Variants in GALNT13 observed in about 807,000 individuals in gnomAD.
The protein encoded by GALNT13 is UDP-GalNAc:polypeptide N-acetylgalactosaminyltransferase 13.
Under a neutral mutation model 64.2 loss-of-function variants are expected in GALNT13, and 28 were observed. The ratio of observed to expected loss-of-function variants is 0.44; its 90% confidence interval spans 0.32 to 0.60. The LOEUF is 0.60. GALNT13 is among the 20% of genes least tolerant of loss of function. The probability of loss-of-function intolerance (pLI) is 0.05; values close to 1 mark genes in which losing one functional copy is unlikely to be tolerated. For synonymous variants in GALNT13, 214 were observed against 224.6 expected (o/e 0.95, Z 0.42); for missense variants, 577 against 669.8 (o/e 0.86, Z 1.53).
At chr2:153,539,667 T>G in the GALNT13 span, among the ~76,000 whole-genome samples, 1 of 151,536 alleles carries the variant, frequency 6.6e-6, no homozygotes, top group South Asian at 2.1e-4. Flanking sequence ...CCCCATTGCT[T>G]GTTTTTCTCA....
chr2:153,635,507 A>G, the GALNT13 span, among the ~76,000 whole-genome samples: 1 of 148,720 alleles, frequency 6.7e-6, no homozygotes, highest in Admixed American at 6.7e-5. Flanking sequence ...AAGATTTAAG[A>G]AAACAATTAT....
intron 9 of GALNT13, among the ~76,000 whole-genome samples, chr2:154,364,222 T>G (rs551667175): frequency 2.6e-5 from 4 of 152,318 alleles, no homozygotes; most frequent in African/African-American, 9.6e-5. Flanking sequence ...ATTTCTAATT[T>G]TATCTCATGG....
At chr2:153,908,345 G>A (rs1688718337) in intron 2 of GALNT13, among the ~76,000 whole-genome samples, 1 of 152,028 alleles carries the variant, frequency 6.6e-6, no homozygotes, top group Admixed American at 6.6e-5. Context: ...TAGGTTGTCT[G>A]CTTACTCTGT....
At chr2:154,010,590 T>C (rs1696566028) in intron 3 of GALNT13, among the ~76,000 whole-genome samples, 1 of 152,184 alleles carries the variant, frequency 6.6e-6, no homozygotes, top group African/African-American at 2.4e-5. Context: ...GTTAAGATGA[T>C]GCTAGCCTCT....
At chr2:153,714,287 A>G in the GALNT13 span, among the ~76,000 whole-genome samples, 1 of 152,252 alleles carries the variant, frequency 6.6e-6, no homozygotes, top group African/African-American at 2.4e-5. Flanking sequence ...CATGTAAGAA[A>G]AAAAGCTAGA....
At chr2:153,472,386 C>A in the GALNT13 span, among the ~76,000 whole-genome samples, 1 of 152,272 alleles carries the variant, frequency 6.6e-6, no homozygotes. Flanking sequence ...GGAACAATTT[C>A]TTATCTTACT....
chr2:154,018,540 G>A (rs566008924), intron 3 of GALNT13, among the ~76,000 whole-genome samples: 89 of 152,176 alleles, frequency 5.8e-4, no homozygotes, highest in African/African-American at 2.0e-3. Flanking sequence ...TGCCAAACCA[G>A]CGAGAAGATA....
intron 3 of GALNT13, among the ~76,000 whole-genome samples, chr2:154,024,232 A>T (rs898199774): frequency 2.0e-5 from 3 of 152,062 alleles, no homozygotes; most frequent in Non-Finnish European, 2.9e-5. Flanking sequence ...CTGAATCTGA[A>T]TGTTGGCCTG....
intron 3 of GALNT13, among the ~76,000 whole-genome samples, chr2:154,044,400 T>G (rs1033996003): frequency 2.0e-5 from 3 of 152,236 alleles, no homozygotes; most frequent in African/African-American, 7.2e-5. Flanking sequence ...GCACTCCCTG[T>G]GTGAAAGCTT....
the GALNT13 span, among the ~76,000 whole-genome samples, chr2:153,448,849 C>A: frequency 2.0e-5 from 3 of 152,082 alleles, no homozygotes; most frequent in African/African-American, 4.8e-5. Context: ...AAGCCCTAAC[C>A]CTAAATATAA....
At chr2:153,449,160 A>G in the GALNT13 span, among the ~76,000 whole-genome samples, 1 of 152,154 alleles carries the variant, frequency 6.6e-6, no homozygotes, top group Non-Finnish European at 1.5e-5. Context: ...CAAAAACTGA[A>G]TTGGCCAGAA....
intron 3 of GALNT13, among the ~76,000 whole-genome samples, chr2:154,007,287 A>G (rs987502166): frequency 6.7e-6 from 1 of 149,080 alleles, no homozygotes; most frequent in Non-Finnish European, 1.5e-5. Context: ...TTTGTCACCA[A>G]TCGTGTGAGC....
At chr2:153,929,227 C>G (rs181435607) in intron 2 of GALNT13, among the ~76,000 whole-genome samples, 2 of 152,128 alleles carry the variant, frequency 1.3e-5, no homozygotes, top group Non-Finnish European at 2.9e-5. Flanking sequence ...ACCTGCCTAT[C>G]AGACAATGTG....
chr2:153,533,992 G>A, the GALNT13 span, among the ~76,000 whole-genome samples: 1 of 150,838 alleles, frequency 6.6e-6, no homozygotes, highest in African/African-American at 2.4e-5. Context: ...CCCACCTCTT[G>A]CCTCCCTGAG....
the GALNT13 span, among the ~76,000 whole-genome samples, chr2:153,757,554 C>G: frequency 6.6e-6 from 1 of 152,024 alleles, no homozygotes; most frequent in African/African-American, 2.4e-5. Flanking sequence ...TTTTCAGGAG[C>G]CTCCATACAG....
At chr2:154,037,071 A>C (rs1160953737) in intron 3 of GALNT13, among the ~76,000 whole-genome samples, 1 of 152,152 alleles carries the variant, frequency 6.6e-6, no homozygotes, top group Non-Finnish European at 1.5e-5. Context: ...ATGGTAGGAA[A>C]GTTATTTTAA....
At chr2:154,043,449 T>TAC (rs1456595735) in intron 3 of GALNT13, among the ~76,000 whole-genome samples, 23 of 109,694 alleles carry the variant, frequency 2.1e-4, no homozygotes, top group South Asian at 3.4e-4. Flanking sequence ...TATATATATA[T>TAC]ATATATACAC....
At chr2:153,463,413 C>A in the GALNT13 span, among the ~76,000 whole-genome samples, 3 of 151,980 alleles carry the variant, frequency 2.0e-5, no homozygotes, top group Non-Finnish European at 4.4e-5. Context: ...TGCCTAGGAT[C>A]TAATTAGATT....
chr2:153,437,596 C>G, the GALNT13 span, among the ~76,000 whole-genome samples: 8 of 152,100 alleles, frequency 5.3e-5, no homozygotes, highest in African/African-American at 1.9e-4. Flanking sequence ...TTCTTTGTCT[C>G]TTTTGATCTT....
Sources: gnomAD v4.1 joint callset for allele counts (sites outside exome capture counted in the v4.1 genomes callset) on GRCh38, gnomAD v4.1.1 for gene constraint, MANE v1.5 for transcripts, NCBI Gene and HGNC (gene_info 2026-07-23, HGNC 2026-07-21) for gene names.